Variants in CPNE4 observed in about 807,000 individuals in gnomAD.
The protein encoded by CPNE4 is copine 4, also known as copine-4.
CPNE4 carries 25 observed loss-of-function variants against 67.9 expected under a neutral mutation model. That is an observed-to-expected ratio of 0.37 (90% CI 0.27 to 0.51). The LOEUF (loss-of-function observed/expected upper bound fraction) is 0.51. Among genes scored for constraint, CPNE4 ranks in the 20% least tolerant of loss-of-function variants. CPNE4 has a pLI of 0.93. For synonymous variants in CPNE4, 242 were observed against 244.9 expected, an observed-to-expected ratio of 0.99 and a Z score of 0.11; for missense variants, 464 against 690.8, an observed-to-expected ratio of 0.67 and a Z score of 3.68.
chr3:132,001,567 G>GAAAGAA (rs2073441635), intron 1 of CPNE4, among the ~76,000 whole-genome samples: 1 of 134,332 alleles, frequency 7.4e-6, no homozygotes, highest in Non-Finnish European at 1.6e-5. Flanking sequence ...AAGAAAGAAA[G>GAAAGAA]AAAGAAAGAA....
rs1553751203 is a variant in CPNE4 at position 131,676,029 on chromosome 3, C to CTATGAT, written c.592-6266_592-6265insATCATA. Among the ~76,000 whole-genome samples, 4 of 138,512 alleles carry CTATGAT rather than the reference C, an allele frequency of 2.9e-5. No individual in the cohort carries two copies. The East Asian group carries it at 8.3e-4, about 29-fold the overall frequency. The allele number at this position is 138,512 out of a possible 152,430, so 90.9% of individuals were successfully genotyped here. A position where few individuals can be genotyped will look rare whatever the true frequency, so the allele number is the denominator to read the frequency against. On this transcript the variant is annotated intron_variant, in intron 6 of 15. Transcript: ENST00000429747. ...AGGCTTGCAAATATTATGTTATAAC[C>CTATGAT]TATTATTATTATTATTATTATTATT... is the stretch of plus-strand genomic sequence containing the variant.
At chr3:131,983,281 T>C (rs1405271082) in intron 1 of CPNE4, among the ~76,000 whole-genome samples, 3 of 152,178 alleles carry the variant, frequency 2.0e-5, no homozygotes, top group Non-Finnish European at 1.5e-5. Flanking sequence ...AAAATGTATA[T>C]AGTTTTACAC....
chr3:131,938,112 C>T (rs1475676506), intron 1 of CPNE4, among the ~76,000 whole-genome samples: 1 of 152,056 alleles, frequency 6.6e-6, no homozygotes, highest in Non-Finnish European at 1.5e-5. Context: ...AATCCCAGCA[C>T]TTTGTGAGGC....
chr3:131,863,894 G>A (rs1305499877), intron 2 of CPNE4, among the ~76,000 whole-genome samples: 2 of 152,192 alleles, frequency 1.3e-5, no homozygotes, highest in African/African-American at 4.8e-5. Context: ...AAGGTGTAAG[G>A]AAGGGATCCA....
intron 7 of CPNE4, among the ~76,000 whole-genome samples, chr3:131,652,050 T>A (rs543055489): frequency 6.6e-5 from 10 of 152,230 alleles, no homozygotes; most frequent in African/African-American, 2.4e-4. Flanking sequence ...ATTGCTGTTA[T>A]CATTTTTAGC....
chr3:131,936,249 G>A (rs1441161789), intron 1 of CPNE4, among the ~76,000 whole-genome samples: 2 of 151,910 alleles, frequency 1.3e-5, no homozygotes, highest in Non-Finnish European at 2.9e-5. Flanking sequence ...AAGCTGTCCT[G>A]GGAGGGAAAA....
rs79571713 is a variant in CPNE4 at position 131,976,570 on chromosome 3, T to C, written c.-2+57997A>G. Among the ~76,000 whole-genome samples, 847 of 151,942 alleles carry C rather than the reference T, an allele frequency of 5.6e-3. 22 individuals are homozygous for C. The highest frequency in any genetic ancestry group is 0.052 in the East Asian group (267 of 5,150). ...GTATGTCAGAATATTACATCTAGCATCAACACACAAGAGGAAAAGCAATTA... is the reference window on the plus strand; with the variant it reads ...GTATGTCAGAATATTACATCTAGCACCAACACACAAGAGGAAAAGCAATTA... On this transcript the variant is annotated intron_variant, in intron 1 of 15. Transcript: ENST00000429747.
In CPNE4 at chr3:131,915,544, C is replaced by T. The variant is rs571125387; in HGVS notation, c.-1-10100G>A. ...TACAAACCACATGAAACACAAAAGG[C>T]CATGGTTTTCATGAATAATACAACA... On this transcript the variant is annotated intron_variant, in intron 1 of 15. Transcript: ENST00000429747. Among the ~76,000 whole-genome samples the T allele has an allele frequency of 2.6e-4, 40 of 152,196 alleles. No individual in the cohort carries two copies. In the South Asian group the frequency reaches 8.1e-3, roughly 31 times the overall value.
At chr3:131,578,269 A>G (rs1247087686) in intron 9 of CPNE4, among the ~76,000 whole-genome samples, 1 of 152,246 alleles carries the variant, frequency 6.6e-6, no homozygotes, top group South Asian at 2.1e-4. Flanking sequence ...GTGATCAGTT[A>G]TCTTTGATGT....
At chr3:131,708,128 T>G (rs1392508467) in intron 3 of CPNE4, among the ~76,000 whole-genome samples, 5 of 152,080 alleles carry the variant, frequency 3.3e-5, no homozygotes, top group African/African-American at 1.2e-4. Flanking sequence ...AAGGGGTGGA[T>G]AGTAGAGATA....
intron 12 of CPNE4, among the ~76,000 whole-genome samples, chr3:131,552,734 G>A (rs899833647): frequency 3.9e-5 from 6 of 152,024 alleles, no homozygotes; most frequent in Admixed American, 6.6e-5. Flanking sequence ...GTCAGGAGGG[G>A]AGAATAAGGC....
At chr3:131,585,885 T>C (rs554361356) in intron 8 of CPNE4, among the ~76,000 whole-genome samples, 8 of 152,258 alleles carry the variant, frequency 5.3e-5, no homozygotes, top group Admixed American at 5.2e-4. Context: ...CTCTGGGTGT[T>C]TGACAAGTTT....
At position 131,723,360 on chromosome 3, in the gene CPNE4, G is replaced by A. The variant is rs1370354254; in HGVS notation, c.360+86C>T. The A allele has an allele frequency of 7.4e-6, 9 of 1,211,074 alleles. No individual in the cohort carries two copies. In the East Asian group the frequency reaches 2.1e-4, roughly 29 times the overall value. 75.0% of individuals were successfully genotyped at this position (1,211,074 alleles called of 1,614,324 possible). On this transcript the variant is annotated intron_variant, in intron 3 of 15. Coordinates refer to ENST00000429747, the MANE Select transcript of CPNE4 (RefSeq NM_130808.3). ...AAATACAATCAATAGGAAAAAGCAA[G>A]GATTAGATGAAGGAAGAGAGGGAAA...
chr3:131,595,889 A>T lies in CPNE4; in HGVS notation c.682-8307T>A, dbSNP rs115416395. Among the ~76,000 whole-genome samples the T allele has an allele frequency of 2.9e-3, 435 of 152,330 alleles. 2 individuals are homozygous for T. The highest frequency in any genetic ancestry group is 9.9e-3 in the African/African-American group (412 of 41,570). ...TTAAGTGAACTAAACCAGTCATAGA[A>T]GGACAAATACTGCATGATTCCACTT... On this transcript the variant is annotated intron_variant, in intron 7 of 15. Transcript: ENST00000429747.
In CPNE4 at chr3:131,635,937, C is replaced by T. The variant is rs1462583256; in HGVS notation, c.681+33738G>A. On this transcript the variant is annotated intron_variant, in intron 7 of 15. Coordinates refer to ENST00000429747, the MANE Select transcript of CPNE4 (RefSeq NM_130808.3). ...TCTACTAAAAATACAAAAAATTAGC[C>T]GGGCGTAGTGGCGGGCGCCTGTAGT... is the stretch of plus-strand genomic sequence containing the variant. 5.2e-5 allele frequency among the ~76,000 whole-genome samples: 5 copies of T among 96,142 alleles called. 1 individual carries two copies. Among genetic ancestry groups the T allele is most frequent in the Non-Finnish European group, 9.1e-5 (5 of 54,990 alleles). The allele number at this position is 96,142 out of a possible 152,430, so 63.1% of individuals were successfully genotyped here.
At chr3:131,579,708 A>G (rs1280472453) in intron 9 of CPNE4, among the ~76,000 whole-genome samples, 2 of 152,142 alleles carry the variant, frequency 1.3e-5, no homozygotes, top group Non-Finnish European at 2.9e-5. Flanking sequence ...CAAACTGGAG[A>G]TGTGGTAGAA....
intron 2 of CPNE4, among the ~76,000 whole-genome samples, chr3:131,810,189 AG>A (rs1308609264): frequency 1.3e-5 from 2 of 152,100 alleles, no homozygotes; most frequent in African/African-American, 4.8e-5. Flanking sequence ...AGGCAATAAA[AG>A]TAATAAACAA....
chr3:131,807,583 C>T (rs1048860420), intron 2 of CPNE4, among the ~76,000 whole-genome samples: 1 of 151,864 alleles, frequency 6.6e-6, no homozygotes, highest in Non-Finnish European at 1.5e-5. Context: ...ACATTTATTT[C>T]TCTAGGTTAA....
intron 6 of CPNE4, among the ~76,000 whole-genome samples, chr3:131,682,603 T>C (rs2080785457): frequency 6.6e-6 from 1 of 152,130 alleles, no homozygotes; most frequent in Non-Finnish European, 1.5e-5. Flanking sequence ...AGCATAGCAC[T>C]GAGTCTCACC....
Sources: allele counts gnomAD v4.1 joint callset (sites outside exome capture counted in the v4.1 genomes callset), GRCh38; gene constraint gnomAD v4.1.1; transcripts MANE v1.5; gene names NCBI Gene and HGNC (gene_info 2026-07-23, HGNC 2026-07-21).